Variants in P2RY2 observed in about 807,000 individuals in gnomAD.
P2RY2 encodes the protein P2Y purinoceptor 2.
For missense variants in P2RY2, 567 were observed against 515.7 expected (o/e 1.10, Z -0.96); for synonymous variants, 241 against 231.9 (o/e 1.04, Z -0.35).
rs949536788 is a variant in P2RY2, at chr11:73,235,202, G to A, written c.1043G>A (p.Arg348Lys). The A allele has an allele frequency of 1.2e-6, 2 of 1,612,420 alleles. No homozygotes were observed. The highest frequency in any genetic ancestry group is 1.1e-5 in the South Asian group (1 of 90,978). Reference sequence around the variant, plus strand: ...AGATCCGACAGAACTGACATGCAGAGGATAGAAGATGTGTTGGGCAGCAGT... The same window carrying A: ...AGATCCGACAGAACTGACATGCAGAAGATAGAAGATGTGTTGGGCAGCAGT... ...LRRSDRTDMQ[R>K]IEDVLGSSED... is the part of the protein sequence containing the mutation. Residue 348 changes from arginine to lysine, a missense_variant, in exon 3 of 3, where the codon AGG (arginine) becomes AAG (lysine). By Grantham distance (26) the Arg-to-Lys change is conservative (BLOSUM62 2). Transcript: ENST00000393597.
intron 2 of P2RY2, among the ~76,000 whole-genome samples, chr11:73,230,055 A>T (rs2135640545): frequency 6.6e-6 from 1 of 152,086 alleles, no homozygotes; most frequent in Middle Eastern, 3.4e-3. Flanking sequence ...GCTTACTGAT[A>T]CCCAGGGGAG....
At position 73,234,548 on chromosome 11, in the gene P2RY2, AC is replaced by A; in HGVS notation, c.391del (p.Arg131GlyfsTer51). 6.2e-7 allele frequency: 1 copy of A among 1,600,204 alleles called. No individual in the cohort carries two copies. The highest frequency in any genetic ancestry group is 8.5e-7 in the Non-Finnish European group (1 of 1,172,218). Reference sequence around the variant, plus strand: ...CTCTTCCTCACCTGCATCAGCGTGCACCGGTGTCTGGGCGTCTTACGACCTC... The same window carrying A: ...CTCTTCCTCACCTGCATCAGCGTGCACGGTGTCTGGGCGTCTTACGACCTC... ...SILFLTCISV[H>X]RCLGVLRPLR... is the part of the protein sequence containing the mutation. On this transcript the variant is annotated frameshift_variant, in exon 3 of 3. Coordinates refer to ENST00000393597, the MANE Select transcript of P2RY2 (RefSeq NM_002564.4). LOFTEE classifies it low-confidence loss of function (END_TRUNC).
At chr11:73,229,380 C>T (rs763342423) in intron 2 of P2RY2, among the ~76,000 whole-genome samples, 30 of 152,160 alleles carry the variant, frequency 2.0e-4, no homozygotes, top group African/African-American at 5.5e-4. Flanking sequence ...CAGACCAGGG[C>T]GCAGCGGGGC....
chr11:73,233,688 G>T (rs2135644847), intron 2 of P2RY2, among the ~76,000 whole-genome samples: 1 of 152,308 alleles, frequency 6.6e-6, no homozygotes, highest in East Asian at 1.9e-4. Flanking sequence ...GTAGAGATGG[G>T]GTCTCACTTT....
At chr11:73,223,852 C>T (rs902771482) in intron 1 of P2RY2, among the ~76,000 whole-genome samples, 1 of 152,144 alleles carries the variant, frequency 6.6e-6, no homozygotes, top group Non-Finnish European at 1.5e-5. Context: ...GTGGTCAAAC[C>T]CACACTGACA....
chr11:73,236,658 T>C lies in P2RY2; in HGVS notation c.*1365T>C. 1 of 985,374 alleles carries C rather than the reference T, an allele frequency of 1.0e-6. No individual in the cohort carries two copies. The highest frequency in any genetic ancestry group is 1.2e-6 in the Non-Finnish European group (1 of 829,908). The allele number at this position is 985,374 out of a possible 1,614,324, so 61.0% of individuals were successfully genotyped here. On this transcript the variant is annotated 3_prime_UTR_variant, in exon 3 of 3. Transcript: ENST00000393597. ...GGTCACAAGGAGGCCAAGTTAGGGC[T>C]CCCTCCTTGCCCTGACCCTGAGGCT... is the stretch of plus-strand genomic sequence containing the variant.
intron 1 of P2RY2, among the ~76,000 whole-genome samples, chr11:73,223,379 G>A (rs1481456152): frequency 1.7e-5 from 1 of 57,456 alleles, no homozygotes; most frequent in Admixed American, 2.4e-4. Context: ...CTGTCCCTCT[G>A]CTGGGGAACA....
chr11:73,235,547 A>G lies in P2RY2; in HGVS notation c.*254A>G, dbSNP rs1565146477. Reference sequence around the variant, plus strand: ...CAAGAAAGGCAAGAGCTCAAGGTCAATGACACCCCTGGCCTGACTCCCATG... The same window carrying G: ...CAAGAAAGGCAAGAGCTCAAGGTCAGTGACACCCCTGGCCTGACTCCCATG... On this transcript the variant is annotated 3_prime_UTR_variant, in exon 3 of 3. Transcript: ENST00000393597. The G allele has an allele frequency of 4.9e-6, 6 of 1,229,588 alleles. No homozygotes were observed. The highest frequency in any genetic ancestry group is 6.1e-6 in the Non-Finnish European group (6 of 976,620). The allele number at this position is 1,229,588 out of a possible 1,614,324, so 76.2% of individuals were successfully genotyped here. A position where few individuals can be genotyped will look rare whatever the true frequency, so the allele number is the denominator to read the frequency against.
At chr11:73,230,880 A>T (rs955580840) in intron 2 of P2RY2, among the ~76,000 whole-genome samples, 2 of 111,752 alleles carry the variant, frequency 1.8e-5, no homozygotes, top group Non-Finnish European at 3.3e-5. Context: ...AAGTAGGGGG[A>T]TGCTTTCTTT....
Position 73,235,839 on chromosome 11 carries a change from T to A in P2RY2, c.*546T>A. The A allele has an allele frequency of 1.0e-6, 1 of 1,000,792 alleles. No homozygotes were observed. The highest frequency in any genetic ancestry group is 1.2e-6 in the Non-Finnish European group (1 of 830,450). 62.0% of individuals were successfully genotyped at this position (1,000,792 alleles called of 1,614,324 possible). A position where few individuals can be genotyped will look rare whatever the true frequency, so the allele number is the denominator to read the frequency against. On this transcript the variant is annotated 3_prime_UTR_variant, in exon 3 of 3. Transcript: ENST00000393597. ...GTACCCCCAGCCCAAGAGATGAACA[T>A]CTGGGGACTAATATCATAGACCCAT...
At position 73,238,888 on chromosome 11, in the gene P2RY2, A is replaced by T. The variant is rs1862716830; in HGVS notation, c.*3595A>T. The T allele has an allele frequency of 1.3e-5, 2 of 152,338 alleles. No individual in the cohort carries two copies. The highest frequency in any genetic ancestry group is 2.9e-5 in the Non-Finnish European group (2 of 68,034). 9.4% of individuals were successfully genotyped at this position (152,338 alleles called of 1,614,324 possible). ...AGATGACAGAGGCAGTGTAGCAAGG[A>T]TGTGAGAACACAGATGCTCCACCCA... On this transcript the variant is annotated 3_prime_UTR_variant, in exon 3 of 3. Coordinates refer to ENST00000393597, the MANE Select transcript of P2RY2 (RefSeq NM_002564.4).
intron 2 of P2RY2, among the ~76,000 whole-genome samples, chr11:73,230,778 G>A (rs1397546517): frequency 6.6e-6 from 1 of 152,120 alleles, no homozygotes; most frequent in African/African-American, 2.4e-5. Context: ...GGGCGGGTGA[G>A]GTTGGCAGAG....
rs1862662785 is a variant in P2RY2 at position 73,236,726 on chromosome 11, T to C, written c.*1433T>C. The C allele has an allele frequency of 1.0e-6, 1 of 985,224 alleles. No homozygotes were observed. The highest frequency in any genetic ancestry group is 1.7e-5 in the African/African-American group (1 of 57,214). The allele number at this position is 985,224 out of a possible 1,614,324, so 61.0% of individuals were successfully genotyped here. Reference sequence around the variant, plus strand: ...AAATATGAAAGAGATTCACTCCTCCTCCTGTCCATCGTCTGCCTTCTGGGA... The same window carrying C: ...AAATATGAAAGAGATTCACTCCTCCCCCTGTCCATCGTCTGCCTTCTGGGA... On this transcript the variant is annotated 3_prime_UTR_variant, in exon 3 of 3. Coordinates refer to ENST00000393597, the MANE Select transcript of P2RY2 (RefSeq NM_002564.4).
At chr11:73,231,283 C>G (rs952189814) in intron 2 of P2RY2, among the ~76,000 whole-genome samples, 3 of 151,692 alleles carry the variant, frequency 2.0e-5, no homozygotes, top group African/African-American at 4.8e-5. Flanking sequence ...CCATGGCCCA[C>G]ACCTGTAATC....
rs1316568270 is a variant in P2RY2 at position 73,228,181 on chromosome 11, T to TCGGGG, written c.-5+6_-5+7insCGGGG. On this transcript the variant is annotated splice_region_variant and intron_variant, in intron 2 of 2. Coordinates refer to ENST00000393597, the MANE Select transcript of P2RY2 (RefSeq NM_002564.4). ...GGAGAGCAGGGGCTGGTCAGGTACGTGGGGTGGGGGTGGGGGGGAGCGGGT... is the reference window on the plus strand; with the variant it reads ...GGAGAGCAGGGGCTGGTCAGGTACGTCGGGGGGGGTGGGGGTGGGGGGGAGCGGGT... 3.0e-5 allele frequency: 3 copies of TCGGGG among 101,114 alleles called. No individual in the cohort carries two copies. The highest frequency in any genetic ancestry group is 2.3e-4 in the African/African-American group (3 of 13,128). The allele number at this position is 101,114 out of a possible 1,614,324, so 6.3% of individuals were successfully genotyped here. A position where few individuals can be genotyped will look rare whatever the true frequency, so the allele number is the denominator to read the frequency against.
In P2RY2 at chr11:73,237,087, C is replaced by T; in HGVS notation, c.*1794C>T. On this transcript the variant is annotated 3_prime_UTR_variant, in exon 3 of 3. Coordinates refer to ENST00000393597, the MANE Select transcript of P2RY2 (RefSeq NM_002564.4). ...AAAGCTTGCTGTATTTGGAGCCTGA[C>T]TCCACAGCGCCCTCATGTGACAGAG... The T allele has an allele frequency of 2.0e-6, 2 of 985,376 alleles. No homozygotes were observed. Among genetic ancestry groups the T allele is most frequent in the Non-Finnish European group, 2.4e-6 (2 of 829,912 alleles). 61.0% of individuals were successfully genotyped at this position (985,376 alleles called of 1,614,324 possible).
intron 1 of P2RY2, among the ~76,000 whole-genome samples, chr11:73,220,484 A>G (rs543752359): frequency 1.3e-5 from 2 of 152,274 alleles, no homozygotes; most frequent in Admixed American, 6.5e-5. Flanking sequence ...CCCTTGGCCA[A>G]ACACTTTTCC....
chr11:73,231,807 T>G (rs1862467420), intron 2 of P2RY2, among the ~76,000 whole-genome samples: 1 of 152,094 alleles, frequency 6.6e-6, no homozygotes, highest in Non-Finnish European at 1.5e-5. Context: ...CCCAGCACTT[T>G]GAGAGACTAA....
chr11:73,219,732 T>A (rs1175484232), intron 1 of P2RY2, among the ~76,000 whole-genome samples: 1 of 152,262 alleles, frequency 6.6e-6, no homozygotes, highest in Non-Finnish European at 1.5e-5. Context: ...TTGCAGCAGC[T>A]GCCTGGAGTC....
Sources: gnomAD v4.1 joint callset for allele counts (sites outside exome capture counted in the v4.1 genomes callset) on GRCh38, gnomAD v4.1.1 for gene constraint, MANE v1.5 for transcripts, NCBI Gene and HGNC (gene_info 2026-07-23, HGNC 2026-07-21) for gene names.